Variants in JMJD1C observed in about 807,000 individuals in gnomAD.
JMJD1C encodes the protein jumonji domain containing 1C, also known as jumonji domain-containing protein 1C.
JMJD1C carries 31 observed loss-of-function variants against 245.3 expected under a neutral mutation model. The ratio of observed to expected loss-of-function variants is 0.13; its 90% CI spans 0.09 to 0.17. The LOEUF (loss-of-function observed/expected upper bound fraction) is 0.17, where lower values mean the gene tolerates loss of function less well. Among genes scored for constraint, JMJD1C ranks in the 10% least tolerant of loss-of-function variants. The pLI is 1.00. For synonymous variants in JMJD1C, 1,057 were observed against 1,017.4 expected (o/e 1.04, Z -0.74); for missense variants, 2,691 against 3,000.2 (o/e 0.90, Z 2.41).
At chr10:63,303,189 A>G (rs1860304489) in intron 2 of JMJD1C, among the ~76,000 whole-genome samples, 1 of 152,260 alleles carries the variant, frequency 6.6e-6, no homozygotes, top group South Asian at 2.1e-4. Context: ...AACTCTTTGC[A>G]TCTAAGATCT....
chr10:63,349,126 A>AAAAAAAG (rs71025163), intron 2 of JMJD1C, among the ~76,000 whole-genome samples: 1 of 148,722 alleles, frequency 6.7e-6, no homozygotes, highest in African/African-American at 2.5e-5. Context: ...AAAAAAAAAA[A>AAAAAAAG]GCCTTCCCTC....
intron 1 of JMJD1C, among the ~76,000 whole-genome samples, chr10:63,445,069 A>C (rs1186418185): frequency 6.6e-6 from 1 of 152,028 alleles, no homozygotes; most frequent in Admixed American, 6.5e-5. Flanking sequence ...TCTACAAAAA[A>C]ACAATTAAAA....
At chr10:63,296,749 A>G (rs547692133) in intron 2 of JMJD1C, among the ~76,000 whole-genome samples, 29 of 152,336 alleles carry the variant, frequency 1.9e-4, no homozygotes, top group African/African-American at 7.0e-4. Flanking sequence ...ATCTGCATAT[A>G]ATGAGATCAG....
At chr10:63,181,344 T>A (rs763318631) in intron 22 of JMJD1C, among the ~76,000 whole-genome samples, 3 of 152,168 alleles carry the variant, frequency 2.0e-5, no homozygotes, top group Non-Finnish European at 4.4e-5. Context: ...GGGGGAGGCA[T>A]CATAATAAAG....
intron 1 of JMJD1C, among the ~76,000 whole-genome samples, chr10:63,457,905 C>A (rs1440887613): frequency 6.6e-6 from 1 of 152,136 alleles, no homozygotes; most frequent in African/African-American, 2.4e-5. Flanking sequence ...CCAGACAAAA[C>A]AGTAAACAGA....
intron 2 of JMJD1C, among the ~76,000 whole-genome samples, chr10:63,302,592 T>C (rs1416489990): frequency 6.6e-6 from 1 of 152,234 alleles, no homozygotes; most frequent in Non-Finnish European, 1.5e-5. Context: ...TACAACATCT[T>C]GGAACTATGT....
At chr10:63,339,716 A>T (rs1816605403) in intron 2 of JMJD1C, among the ~76,000 whole-genome samples, 1 of 152,178 alleles carries the variant, frequency 6.6e-6, no homozygotes, top group Non-Finnish European at 1.5e-5. Context: ...ACTTGAGGTC[A>T]GGAGTTTAAG....
chr10:63,244,875 G>T (rs920845362), intron 3 of JMJD1C, among the ~76,000 whole-genome samples: 3 of 151,808 alleles, frequency 2.0e-5, no homozygotes, highest in Non-Finnish European at 4.4e-5. Context: ...GGTGGCTCAC[G>T]CCTGTAATCC....
At chr10:63,391,044 G>A (rs1214615165) in intron 1 of JMJD1C, among the ~76,000 whole-genome samples, 1 of 152,170 alleles carries the variant, frequency 6.6e-6, no homozygotes, top group African/African-American at 2.4e-5. Flanking sequence ...TGGGAAAGAA[G>A]AAGTCAATGT....
intron 1 of JMJD1C, among the ~76,000 whole-genome samples, chr10:63,473,059 G>C (rs187864982): frequency 1.3e-5 from 2 of 151,432 alleles, no homozygotes; most frequent in Non-Finnish European, 3.0e-5. Flanking sequence ...CTGGGATTAC[G>C]GGCGTAAGCC....
chr10:63,209,561 T>A (rs1847077451), intron 8 of JMJD1C, among the ~76,000 whole-genome samples: 1 of 152,208 alleles, frequency 6.6e-6, no homozygotes, highest in African/African-American at 2.4e-5. Context: ...TTCCTGATTC[T>A]AACAGCAAAA....
rs747159025 is a variant in JMJD1C at position 63,279,123 on chromosome 10, GC to G, written c.334-14360del. ...AAAATTCTCCGGTGTGTTGGCGGGC[GC>G]CTGTAATCCCAGCTACTCAGGAGGC... On this transcript the variant is annotated intron_variant, in intron 2 of 25. Transcript: ENST00000399262. 8.7e-4 allele frequency among the ~76,000 whole-genome samples: 132 copies of G among 151,624 alleles called. 1 individual carries two copies. The highest frequency in any genetic ancestry group is 1.5e-3 in the Non-Finnish European group (99 of 67,926).
rs1174564403 is a variant in JMJD1C, at chr10:63,382,833, C to T, written c.169-2351G>A. The T allele has an allele frequency of 2.0e-5, 9 of 456,044 alleles. No homozygotes were observed. The Admixed American group carries it at 2.1e-4, about 11-fold the overall frequency. The allele number at this position is 456,044 out of a possible 1,614,324, so 28.2% of individuals were successfully genotyped here. ...AGTTTCCATTTCCACTTATTTGAAT[C>T]ATGGTTGCTCTTTTGGCCTAGCTCA... On this transcript the variant is annotated intron_variant, in intron 1 of 25. Coordinates refer to ENST00000399262, the MANE Select transcript of JMJD1C (RefSeq NM_032776.3).
chr10:63,468,447 C>T (rs755104749), upstream of JMJD1C, among the ~76,000 whole-genome samples: 10 of 151,924 alleles, frequency 6.6e-5, no homozygotes, highest in Non-Finnish European at 1.5e-4. Flanking sequence ...TTGTAAATAA[C>T]AAGGAATTTA....
At chr10:63,372,918 T>G (rs1283187985) in intron 2 of JMJD1C, 1 of 173,566 alleles carries the variant, frequency 5.8e-6, no homozygotes. Context: ...AGCGGAAAAG[T>G]AGTAGAAAAC....
chr10:63,319,255 TAAA>T (rs59018554), intron 2 of JMJD1C, among the ~76,000 whole-genome samples: 42 of 85,946 alleles, frequency 4.9e-4, no homozygotes, highest in African/African-American at 1.5e-3. Context: ...AGACTCCATC[TAAA>T]AAAAAAAAAA....
chr10:63,371,434 GAAC>G (rs1022892106), intron 2 of JMJD1C, among the ~76,000 whole-genome samples: 1 of 151,980 alleles, frequency 6.6e-6, no homozygotes, highest in Non-Finnish European at 1.5e-5. Context: ...ACAAATTGTT[GAAC>G]ATCAAGGTTG....
intron 3 of JMJD1C, among the ~76,000 whole-genome samples, chr10:63,255,662 C>T (rs1024964997): frequency 6.6e-6 from 1 of 152,030 alleles, no homozygotes; most frequent in East Asian, 1.9e-4. Context: ...GCTTCCTTCT[C>T]ATCTGTAAGT....
intron 1 of JMJD1C, among the ~76,000 whole-genome samples, chr10:63,462,633 G>C (rs894987300): frequency 1.3e-5 from 2 of 152,192 alleles, no homozygotes; most frequent in African/African-American, 4.8e-5. Flanking sequence ...GTTAGAAGGA[G>C]ATGACTAGGG....
Sources: gnomAD v4.1 joint callset for allele counts (sites outside exome capture counted in the v4.1 genomes callset) on GRCh38, gnomAD v4.1.1 for gene constraint, MANE v1.5 for transcripts, NCBI Gene and HGNC (gene_info 2026-07-23, HGNC 2026-07-21) for gene names.